PRKCH: variants seen among roughly 807,000 people sequenced by gnomAD.
The protein encoded by PRKCH is protein kinase C eta, also known as protein kinase C eta type.
PRKCH carries 28 observed loss-of-function variants against 82.5 expected under a neutral mutation model. The observed-to-expected ratio is 0.34, with a 90% CI of 0.25 to 0.47. The LOEUF (loss-of-function observed/expected upper bound fraction) is 0.47, where lower values mean the gene tolerates loss of function less well. PRKCH is among the 20% of genes least tolerant of loss of function. PRKCH has a pLI of 1.00. For synonymous variants in PRKCH, 322 were observed against 327.4 expected, an observed-to-expected ratio of 0.98 and a Z score of 0.18; for missense variants, 705 against 881.8, an observed-to-expected ratio of 0.80 and a Z score of 2.54.
intron 12 of PRKCH, among the ~76,000 whole-genome samples, chr14:61,546,283 G>C (rs2043256723): frequency 6.6e-6 from 1 of 152,232 alleles, no homozygotes; most frequent in Admixed American, 6.5e-5. Flanking sequence ...GTAAGTGCCT[G>C]AAGTGGCAGC....
intron 9 of PRKCH, among the ~76,000 whole-genome samples, chr14:61,482,630 C>T (rs1469853391): frequency 2.0e-5 from 3 of 152,308 alleles, no homozygotes; most frequent in South Asian, 2.1e-4. Flanking sequence ...GTGAATTACA[C>T]TCTGTGTTCC....
chr14:61,387,902 C>T (rs2046612846), intron 1 of PRKCH, among the ~76,000 whole-genome samples: 1 of 152,162 alleles, frequency 6.6e-6, no homozygotes, highest in East Asian at 1.9e-4. Flanking sequence ...AATTCCAGCA[C>T]TTTGGGAGGC....
chr14:61,237,326 G>C (rs12437325), intron 1 of PRKCH, among the ~76,000 whole-genome samples: 26,932 of 151,080 alleles, frequency 0.18, 2,502 homozygotes, highest in East Asian at 0.24. Flanking sequence ...AAAAGAAATT[G>C]AAGTATTTTA....
At chr14:61,501,868 G>C (rs1378635292) in intron 10 of PRKCH, among the ~76,000 whole-genome samples, 1 of 152,010 alleles carries the variant, frequency 6.6e-6, no homozygotes, top group African/African-American at 2.4e-5. Context: ...CTCAAGACAT[G>C]TCCTTATATG....
intron 1 of PRKCH, chr14:61,279,642 C>T (rs566062219): frequency 6.4e-6 from 1 of 156,458 alleles, no homozygotes; most frequent in East Asian, 1.9e-4. Context: ...CCAGCCCACT[C>T]TCCCCGACCA....
chr14:61,191,232 T>C (rs1275890435), intron 1 of PRKCH, among the ~76,000 whole-genome samples: 1 of 152,196 alleles, frequency 6.6e-6, no homozygotes, highest in Non-Finnish European at 1.5e-5. Context: ...AATGGGTTTG[T>C]TATTGTAGCT....
chr14:61,533,744 G>A (rs1420264680), intron 12 of PRKCH, among the ~76,000 whole-genome samples: 1 of 152,244 alleles, frequency 6.6e-6, no homozygotes, highest in Non-Finnish European at 1.5e-5. Flanking sequence ...ACATGTGTGG[G>A]TGCCTGAAGC....
intron 2 of PRKCH, among the ~76,000 whole-genome samples, chr14:61,426,868 A>G (rs1349345838): frequency 1.3e-5 from 2 of 152,212 alleles, no homozygotes; most frequent in African/African-American, 4.8e-5. Flanking sequence ...CAGGAATGCA[A>G]TTTACCAAAG....
chr14:61,379,874 G>A (rs1303012908), intron 1 of PRKCH, among the ~76,000 whole-genome samples: 2 of 152,072 alleles, frequency 1.3e-5, no homozygotes, highest in East Asian at 1.9e-4. Flanking sequence ...GAGGAGTGGC[G>A]AGCTCATGTG....
chr14:61,267,837 C>T (rs2045117409), intron 1 of PRKCH, among the ~76,000 whole-genome samples: 1 of 151,952 alleles, frequency 6.6e-6, no homozygotes, highest in Admixed American at 6.6e-5. Flanking sequence ...ACGTTATGTA[C>T]CACTAAGAAA....
chr14:61,247,735 C>CAAAAA (rs202153655), intron 1 of PRKCH, among the ~76,000 whole-genome samples: 282 of 51,714 alleles, frequency 5.5e-3, no homozygotes, highest in African/African-American at 7.4e-3. Flanking sequence ...GACTCCATCT[C>CAAAAA]AAAAAAAAAA....
At chr14:61,533,575 G>A (rs748471302) in intron 12 of PRKCH, among the ~76,000 whole-genome samples, 2 of 152,206 alleles carry the variant, frequency 1.3e-5, no homozygotes, top group Non-Finnish European at 2.9e-5. Flanking sequence ...GGCAGATCTT[G>A]GCTCTTTGAC....
intron 1 of PRKCH, among the ~76,000 whole-genome samples, chr14:61,267,698 T>C (rs1172312189): frequency 1.3e-5 from 2 of 152,236 alleles, no homozygotes; most frequent in African/African-American, 4.8e-5. Context: ...ATTGAGTGAA[T>C]ACACCTTTTC....
At chr14:61,246,016 C>T (rs992504716) in intron 1 of PRKCH, among the ~76,000 whole-genome samples, 1 of 152,050 alleles carries the variant, frequency 6.6e-6, no homozygotes, top group Non-Finnish European at 1.5e-5. Flanking sequence ...GATATAAGAC[C>T]CTCTTTAGGA....
chr14:61,369,739 A>G (rs1240653871), intron 1 of PRKCH, among the ~76,000 whole-genome samples: 1 of 152,032 alleles, frequency 6.6e-6, no homozygotes, highest in Non-Finnish European at 1.5e-5. Context: ...TGCATTAGTT[A>G]TGGGAGTAGA....
At chr14:61,495,071 C>T (rs1014758358) in intron 10 of PRKCH, among the ~76,000 whole-genome samples, 2 of 152,158 alleles carry the variant, frequency 1.3e-5, no homozygotes, top group Non-Finnish European at 2.9e-5. Flanking sequence ...TTTGAGTTTA[C>T]GCCTTCTGGT....
chr14:61,510,115 G>T (rs1210666855), intron 10 of PRKCH, among the ~76,000 whole-genome samples: 1 of 152,096 alleles, frequency 6.6e-6, no homozygotes, highest in Admixed American at 6.5e-5. Flanking sequence ...ATGAGGACTC[G>T]GTATGATCAG....
rs72725874 is a variant in PRKCH, at chr14:61,245,076, C to T, written c.-19+57408C>T. ...AACTTCAGCTGACATCTCTATGTTT[C>T]TTGTTTCCCTCCATGTGAGGAGTTT... On this transcript the variant is annotated intron_variant, in intron 1 of 3. Coordinates refer to the PRKCH transcript ENST00000555185. Among the ~76,000 whole-genome samples, 796 of 152,330 alleles carry T rather than the reference C, an allele frequency of 5.2e-3. 3 individuals are homozygous for T. The highest frequency in any genetic ancestry group is 8.1e-3 in the Non-Finnish European group (549 of 68,032).
intron 12 of PRKCH, among the ~76,000 whole-genome samples, chr14:61,545,829 A>G (rs953388023): frequency 2.6e-5 from 4 of 152,184 alleles, no homozygotes; most frequent in Non-Finnish European, 4.4e-5. Context: ...GTTCAGTGCC[A>G]GGGGCAGGGA....
Sources: allele counts gnomAD v4.1 joint callset (sites outside exome capture counted in the v4.1 genomes callset), GRCh38; gene constraint gnomAD v4.1.1; transcripts MANE v1.5; gene names NCBI Gene and HGNC (gene_info 2026-07-23, HGNC 2026-07-21).